PRSS57: variants seen among roughly 807,000 people sequenced by gnomAD.
PRSS57 encodes neutrophil serine protease 4.
PRSS57 carries 19 observed loss-of-function variants against 20.6 expected under a neutral mutation model. That is an observed-to-expected ratio of 0.92 (90% confidence interval 0.64 to 1.35). PRSS57 has a LOEUF of 1.35. PRSS57 is among the 40% of genes most tolerant of loss of function. The pLI is 0.00. For missense variants in PRSS57, 440 were observed against 403.7 expected, an observed-to-expected ratio of 1.09 and a Z score of -0.77; for synonymous variants, 203 against 176.6, an observed-to-expected ratio of 1.15 and a Z score of -1.19.
chr19:688,850 C>CTT (rs1228186987), intron 3 of PRSS57, among the ~76,000 whole-genome samples: 1 of 152,132 alleles, frequency 6.6e-6, no homozygotes, highest in African/African-American at 2.4e-5. Context: ...CTACCCGCCT[C>CTT]GGCCTCCCAA....
rs991978388 is a variant in PRSS57, at chr19:685,851, G to T, written c.714C>A (p.Cys238Ter). The change falls in exon 5 of 5, where the codon TGC becomes TGA. Residue 238 changes from cysteine to a stop codon, truncating the protein, a stop_gained. Coordinates refer to ENST00000329267, the MANE Select transcript of PRSS57 (RefSeq NM_001308209.2). LOFTEE classifies it low-confidence loss of function (END_TRUNC). ...HGLVSFSGLWCGDPKTPDVYT... is the reference protein window; with the variant it reads ...HGLVSFSGLW ...ACACGTCGGGGGTCTTGGGGTCGCC[G>T]CACCAGAGGCCCGAGAAGGAAACGA... 1.3e-6 allele frequency: 2 copies of T among 1,559,372 alleles called. No homozygotes were observed. Among genetic ancestry groups the T allele is most frequent in the African/African-American group, 1.4e-5 (1 of 73,570 alleles).
chr19:688,526 G>A (rs2031539971), intron 3 of PRSS57, among the ~76,000 whole-genome samples: 1 of 150,320 alleles, frequency 6.7e-6, no homozygotes, highest in Admixed American at 6.7e-5. Flanking sequence ...TCGAGCAGGA[G>A]GGGGCCAGGC....
intron 4 of PRSS57, 62 bp downstream of exon 4, chr19:686,863 C>G: frequency 6.4e-7 from 1 of 1,558,546 alleles, no homozygotes; most frequent in Non-Finnish European, 8.7e-7. Context: ...CTGGCCCTGA[C>G]CCTCTCTGTG....
At chr19:686,752 C>A (rs1214077268) in intron 4 of PRSS57, among the ~76,000 whole-genome samples, 173 bp downstream of exon 4, 1 of 152,186 alleles carries the variant, frequency 6.6e-6, no homozygotes, top group Admixed American at 6.5e-5. Flanking sequence ...CACAGCTGAA[C>A]ATGGCAGCCC....
chr19:695,353 G>A lies in PRSS57; in HGVS notation c.78C>T (p.Pro26=), dbSNP rs781450492. ...TGGGGATCCCGGGGGGCTCCTCACC[G>A]GGGGGCTTCACGGGCAGCATCAGGG... ...ATALMLPVKP[P]GSWGAQIIGG... Residue 26 remains proline, a splice_region_variant and synonymous_variant, in exon 1 of 5, where the codon CCC becomes CCT. Coordinates refer to ENST00000329267, the MANE Select transcript of PRSS57 (RefSeq NM_001308209.2). The A allele has an allele frequency of 1.8e-5, 23 of 1,268,522 alleles. No individual in the cohort carries two copies. Among genetic ancestry groups the A allele is most frequent in the Admixed American group, 1.1e-4 (3 of 27,080 alleles). 78.6% of individuals were successfully genotyped at this position (1,268,522 alleles called of 1,614,324 possible). A position where few individuals can be genotyped will look rare whatever the true frequency, so the allele number is the denominator to read the frequency against.
chr19:694,668 TCC>T, intron 2 of PRSS57, 144 bp downstream of exon 2: 1 of 879,072 alleles, frequency 1.1e-6, no homozygotes, highest in South Asian at 1.8e-5. Context: ...CCTCCTGTTT[TCC>T]CTTTGTTGCC....
chr19:695,370 G>C lies in PRSS57; in HGVS notation c.61C>G (p.Leu21Val). The change falls in exon 1 of 5, where the codon CTG becomes GTG. Residue 21 changes from leucine (L) to valine (V), a missense_variant. Transcript: ENST00000329267. Reference sequence around the variant, plus strand: ...TCCTCACCGGGGGGCTTCACGGGCAGCATCAGGGCGGTGGCCACAGTCAGC... The same window carrying C: ...TCCTCACCGGGGGGCTTCACGGGCACCATCAGGGCGGTGGCCACAGTCAGC... ...PLLTVATALM[L>V]PVKPPGSWGA... is the part of the protein sequence containing the mutation. 7.8e-7 allele frequency: 1 copy of C among 1,280,550 alleles called. No homozygotes were observed. Among genetic ancestry groups the C allele is most frequent in the Non-Finnish European group, 9.9e-7 (1 of 1,008,894 alleles). The allele number at this position is 1,280,550 out of a possible 1,614,324, so 79.3% of individuals were successfully genotyped here. A position where few individuals can be genotyped will look rare whatever the true frequency, so the allele number is the denominator to read the frequency against.
At chr19:692,029 C>G in intron 2 of PRSS57, 27 bp from the exon 3 acceptor site, 1 of 1,301,044 alleles carries the variant, frequency 7.7e-7, no homozygotes, top group African/African-American at 1.5e-5. Context: ...GTGGGTGAGA[C>G]GGGGGTGAGG....
chr19:689,457 G>A (rs2031577553), intron 3 of PRSS57, among the ~76,000 whole-genome samples: 1 of 151,844 alleles, frequency 6.6e-6, no homozygotes, highest in Non-Finnish European at 1.5e-5. Flanking sequence ...AGACTGTGCT[G>A]GGGATGGGAT....
At chr19:691,430 G>A (rs1599117774) in intron 3 of PRSS57, among the ~76,000 whole-genome samples, 1 of 151,760 alleles carries the variant, frequency 6.6e-6, no homozygotes, top group East Asian at 1.9e-4. Flanking sequence ...ACTTGAGCCT[G>A]GGAGGCGGAG....
intron 4 of PRSS57, among the ~76,000 whole-genome samples, chr19:686,507 C>G (rs1340429713): frequency 6.6e-6 from 1 of 152,126 alleles, no homozygotes; most frequent in Admixed American, 6.6e-5. Flanking sequence ...AGTGGACAGT[C>G]TCATTTCTCC....
In PRSS57 at chr19:695,057, A is replaced by G. The variant is rs2031753295; in HGVS notation, c.80-90T>C. 5.6e-6 allele frequency: 7 copies of G among 1,245,884 alleles called. No individual in the cohort carries two copies. In the East Asian group the frequency reaches 2.0e-4, roughly 36 times the overall value. The allele number at this position is 1,245,884 out of a possible 1,614,324, so 77.2% of individuals were successfully genotyped here. On this transcript the variant is annotated intron_variant, in intron 1 of 4. Coordinates refer to ENST00000329267, the MANE Select transcript of PRSS57 (RefSeq NM_001308209.2). ...GGCAGGGGGAGAAGTAGCGGCCAAG[A>G]CAGAGACAGGGGGTGAGATTAGAGA...
chr19:694,766 T>G, intron 2 of PRSS57, 48 bp downstream of exon 2: 1 of 1,552,678 alleles, frequency 6.4e-7, no homozygotes, highest in Non-Finnish European at 8.7e-7. Context: ...GTCCCCCTCA[T>G]GTCGGGATAC....
At chr19:690,729 T>C in intron 3 of PRSS57, 1 of 350,050 alleles carries the variant, frequency 2.9e-6, no homozygotes, top group Non-Finnish European at 5.5e-6. Flanking sequence ...GGTCTGGGTG[T>C]TGAGTGCTCC....
intron 3 of PRSS57, among the ~76,000 whole-genome samples, chr19:689,845 G>A (rs2031589147): frequency 6.6e-6 from 1 of 152,174 alleles, no homozygotes; most frequent in Non-Finnish European, 1.5e-5. Flanking sequence ...CTTGAGGACC[G>A]GAGTTAAGAC....
intron 3 of PRSS57, chr19:690,934 C>T: frequency 2.1e-6 from 1 of 471,976 alleles, no homozygotes; most frequent in Non-Finnish European, 4.0e-6. Context: ...GGCGCCTGTG[C>T]TCAAGAAGCT....
chr19:693,391 G>A (rs2031704466), intron 2 of PRSS57, among the ~76,000 whole-genome samples: 1 of 151,940 alleles, frequency 6.6e-6, no homozygotes, highest in South Asian at 2.1e-4. Flanking sequence ...CCGGTGCGGA[G>A]GACTCTGCGG....
chr19:695,433 C>G lies in PRSS57; in HGVS notation c.-3G>C. The G allele has an allele frequency of 1.6e-6, 2 of 1,258,268 alleles. No homozygotes were observed. Among genetic ancestry groups the G allele is most frequent in the African/African-American group, 1.5e-5 (1 of 65,570 alleles). 77.9% of individuals were successfully genotyped at this position (1,258,268 alleles called of 1,614,324 possible). ...CAGCCCCTCAACCCGAGCCCCATGG[C>G]AGACGCAGGCTGGCGTCTCCCCGCA... On this transcript the variant is annotated 5_prime_UTR_variant, in exon 1 of 5. Transcript: ENST00000329267.
chr19:692,947 A>T (rs1251281318), intron 2 of PRSS57, among the ~76,000 whole-genome samples: 19 of 148,878 alleles, frequency 1.3e-4, no homozygotes, highest in South Asian at 1.0e-3. Context: ...TTTTTTTTTG[A>T]GACGGAGTCT....
Sources: gnomAD v4.1 joint callset for allele counts (sites outside exome capture counted in the v4.1 genomes callset) on GRCh38, gnomAD v4.1.1 for gene constraint, MANE v1.5 for transcripts, NCBI Gene and HGNC (gene_info 2026-07-23, HGNC 2026-07-21) for gene names.